SMOC2: variants seen among roughly 807,000 people sequenced by gnomAD.
The protein encoded by SMOC2 is SPARC related modular calcium binding 2.
In SMOC2, 39 loss-of-function variants were observed where a neutral mutation model predicts 61.4. The ratio of observed to expected loss-of-function variants is 0.64; its 90% CI spans 0.49 to 0.83. SMOC2 has a LOEUF of 0.83. Ranked by LOEUF, SMOC2 falls within the 40% of genes least tolerant of loss-of-function variation. The pLI is 0.00. For synonymous variants in SMOC2, 247 were observed against 239.9 expected, an observed-to-expected ratio of 1.03 and a Z score of -0.27; for missense variants, 556 against 592.9, an observed-to-expected ratio of 0.94 and a Z score of 0.65.
At chr6:168,468,199 A>T (rs989149310) in intron 1 of SMOC2, among the ~76,000 whole-genome samples, 16 of 152,200 alleles carry the variant, frequency 1.1e-4, no homozygotes, top group Non-Finnish European at 2.1e-4. Context: ...CCTGCTGTGC[A>T]CACATGGATT....
At chr6:168,549,265 G>GT (rs202029121) in intron 7 of SMOC2, 62 bp downstream of exon 7, 1,837 of 1,466,404 alleles carry the variant, frequency 1.3e-3, no homozygotes, top group Non-Finnish European at 1.4e-3. Context: ...AAATGATGGG[G>GT]TTTTTTTTTG....
intron 4 of SMOC2, 23 bp from the exon 5 acceptor site, chr6:168,543,602 C>T: frequency 1.2e-6 from 2 of 1,608,516 alleles, no homozygotes; most frequent in East Asian, 2.2e-5. Flanking sequence ...AATTTCATTT[C>T]ACTCCTTATT....
intron 2 of SMOC2, among the ~76,000 whole-genome samples, chr6:168,515,556 A>C (rs1483034608): frequency 2.2e-5 from 1 of 46,232 alleles, no homozygotes; most frequent in African/African-American, 6.1e-5. Context: ...TTTCCTAAAG[A>C]AGCAGCCTCG....
chr6:168,636,233 A>G (rs1204566924), intron 9 of SMOC2, among the ~76,000 whole-genome samples: 1 of 152,174 alleles, frequency 6.6e-6, no homozygotes, highest in Non-Finnish European at 1.5e-5. Flanking sequence ...GCATTCGGTT[A>G]AGGATGAGTG....
chr6:168,554,161 C>T (rs1784192845), intron 7 of SMOC2, among the ~76,000 whole-genome samples: 1 of 152,248 alleles, frequency 6.6e-6, no homozygotes, highest in South Asian at 2.1e-4. Flanking sequence ...CCTTCCCCAC[C>T]AGGTATCCGC....
At chr6:168,635,637 G>A (rs947908907) in intron 9 of SMOC2, among the ~76,000 whole-genome samples, 14 of 152,148 alleles carry the variant, frequency 9.2e-5, no homozygotes, top group South Asian at 2.1e-4. Context: ...TTGGGAGGCC[G>A]AGGTGGGTAG....
At chr6:168,466,849 T>C (rs1484354662) in intron 1 of SMOC2, among the ~76,000 whole-genome samples, 2 of 152,160 alleles carry the variant, frequency 1.3e-5, no homozygotes, top group Non-Finnish European at 2.9e-5. Context: ...GGCCAAGGAA[T>C]GGTGAATAGC....
At chr6:168,590,100 T>G (rs13215082) in intron 7 of SMOC2, among the ~76,000 whole-genome samples, 13 of 88,042 alleles carry the variant, frequency 1.5e-4, no homozygotes, top group East Asian at 4.0e-4. Context: ...GGTGTGGCAT[T>G]AGTTTAGGGG....
rs1212399577 is a variant in SMOC2 at position 168,661,461 on chromosome 6, G to A, written c.1286-2613G>A. Among the ~76,000 whole-genome samples the A allele has an allele frequency of 2.6e-5, 4 of 152,022 alleles. No individual in the cohort carries two copies. The East Asian group carries it at 7.7e-4, about 29-fold the overall frequency. On this transcript the variant is annotated intron_variant, in intron 11 of 12. Transcript: ENST00000356284. The stretch of plus-strand genomic sequence containing the variant: ...TACTGAAAATACAATAATTAGCTGG[G>A]TGTGGTGGTGTGAGCCTGTAATCCC...
chr6:168,602,587 G>A (rs1371394834), intron 8 of SMOC2, among the ~76,000 whole-genome samples: 1 of 152,186 alleles, frequency 6.6e-6, no homozygotes, highest in Admixed American at 6.5e-5. Flanking sequence ...TCCTTTTTCA[G>A]CACCCAGGGC....
chr6:168,652,883 G>A, intron 10 of SMOC2, 71 bp from the exon 11 acceptor site: 1 of 1,486,586 alleles, frequency 6.7e-7, no homozygotes, highest in Non-Finnish European at 9.2e-7. Context: ...ATGGGTTTGA[G>A]GGAAGGACAG....
chr6:168,519,643 C>T (rs780625470), intron 2 of SMOC2, among the ~76,000 whole-genome samples: 3 of 152,028 alleles, frequency 2.0e-5, no homozygotes, highest in Non-Finnish European at 4.4e-5. Flanking sequence ...CCACCAAACC[C>T]AAGGCACCGG....
intron 4 of SMOC2, among the ~76,000 whole-genome samples, chr6:168,539,241 C>T (rs143992810): frequency 4.6e-5 from 7 of 152,162 alleles, no homozygotes; most frequent in Non-Finnish European, 8.8e-5. Flanking sequence ...TATTTATAAA[C>T]ATGAAAATCA....
intron 4 of SMOC2, among the ~76,000 whole-genome samples, chr6:168,533,934 T>C (rs1783672616): frequency 6.6e-6 from 1 of 152,112 alleles, no homozygotes; most frequent in Non-Finnish European, 1.5e-5. Context: ...CAAATATAAA[T>C]CTGAATTTTA....
intron 1 of SMOC2, among the ~76,000 whole-genome samples, chr6:168,496,702 C>G (rs535000562): frequency 1.3e-5 from 2 of 152,316 alleles, no homozygotes; most frequent in East Asian, 3.9e-4. Context: ...GGCCCCCACC[C>G]TGGGGCCTCC....
chr6:168,598,716 G>A, intron 7 of SMOC2, 102 bp from the exon 8 acceptor site: 1 of 1,351,070 alleles, frequency 7.4e-7, no homozygotes, highest in Non-Finnish European at 1.0e-6. Flanking sequence ...GGTGAAGGAG[G>A]ACCACATCGT....
chr6:168,449,071 T>C (rs1036151606), intron 1 of SMOC2, among the ~76,000 whole-genome samples: 2 of 152,182 alleles, frequency 1.3e-5, no homozygotes, highest in Non-Finnish European at 2.9e-5. Flanking sequence ...GGAACCACAT[T>C]TGTGGCCCAT....
chr6:168,448,482 GGAT>G (rs1781383192), intron 1 of SMOC2, among the ~76,000 whole-genome samples: 1 of 142,826 alleles, frequency 7.0e-6, no homozygotes, highest in South Asian at 2.3e-4. Flanking sequence ...AGGAAGATGG[GGAT>G]GAGGAGGAGG....
intron 9 of SMOC2, among the ~76,000 whole-genome samples, chr6:168,636,195 C>T (rs1471980766): frequency 6.6e-6 from 1 of 152,292 alleles, no homozygotes; most frequent in East Asian, 1.9e-4. Flanking sequence ...ATGCAGGTGT[C>T]CTCATTCCTG....
Sources: allele counts gnomAD v4.1 joint callset (sites outside exome capture counted in the v4.1 genomes callset), GRCh38; gene constraint gnomAD v4.1.1; transcripts MANE v1.5; gene names NCBI Gene and HGNC (gene_info 2026-07-23, HGNC 2026-07-21).